CDH18: variants seen among roughly 807,000 people sequenced by gnomAD.
The protein encoded by CDH18 is cadherin-18.
CDH18 carries 31 observed loss-of-function variants against 67.9 expected under a neutral mutation model. That is an observed-to-expected ratio of 0.46 (90% CI 0.34 to 0.62). The LOEUF (loss-of-function observed/expected upper bound fraction) is 0.62. Among genes scored for constraint, CDH18 ranks in the 20% least tolerant of loss-of-function variants. CDH18 has a pLI of 0.01. For missense variants in CDH18, 890 were observed against 975.5 expected (o/e 0.91, Z 1.17); for synonymous variants, 362 against 347.2 (o/e 1.04, Z -0.48).
intron 2 of CDH18, among the ~76,000 whole-genome samples, chr5:19,942,238 G>T (rs1449886935): frequency 6.6e-6 from 1 of 152,058 alleles, no homozygotes; most frequent in Non-Finnish European, 1.5e-5. Context: ...ATTTCAGTGT[G>T]GTCATATTCC....
intron 6 of CDH18, among the ~76,000 whole-genome samples, chr5:19,602,460 A>AACACAC (rs143426499): frequency 4.6e-4 from 69 of 150,792 alleles, no homozygotes; most frequent in South Asian, 3.8e-3. Flanking sequence ...AACACTGCAA[A>AACACAC]ACACACACAC....
rs2150025294 is a variant in CDH18, at chr5:19,838,886, A to G, written c.101T>C (p.Met34Thr). The G allele has an allele frequency of 6.2e-7, 1 of 1,614,064 alleles. No individual in the cohort carries two copies. Residue 34 changes from methionine (M) to threonine (T), a missense_variant, in exon 3 of 13, where the codon ATG (methionine) becomes ACG (threonine). Transcript: ENST00000382275. The stretch of plus-strand genomic sequence containing the variant: ...TTCAATGTGTTTGGTTTGGTTTCTC[A>G]TCACCTTGATGGAGCTGTGGTGAGC... ...GTAHHSSIKVMRNQTKHIEGE... is the reference protein window; with the variant it reads ...GTAHHSSIKVTRNQTKHIEGE...
At chr5:20,093,240 C>T (rs765359046) in intron 2 of CDH18, among the ~76,000 whole-genome samples, 4 of 152,004 alleles carry the variant, frequency 2.6e-5, no homozygotes, top group Non-Finnish European at 5.9e-5. Context: ...AACACATACA[C>T]ACACACACAC....
intron 2 of CDH18, among the ~76,000 whole-genome samples, chr5:20,245,747 T>C (rs1429877352): frequency 6.6e-6 from 1 of 152,090 alleles, no homozygotes; most frequent in East Asian, 1.9e-4. Flanking sequence ...AATAAAAACC[T>C]GTAGAGCACT....
chr5:20,557,553 C>T (rs2126637521), intron 1 of CDH18, among the ~76,000 whole-genome samples: 1 of 152,104 alleles, frequency 6.6e-6, no homozygotes, highest in East Asian at 1.9e-4. Flanking sequence ...TAGGGAATGG[C>T]TACATCCCTT....
At chr5:20,163,434 C>T (rs1736048479) in intron 2 of CDH18, among the ~76,000 whole-genome samples, 1 of 152,082 alleles carries the variant, frequency 6.6e-6, no homozygotes, top group Non-Finnish European at 1.5e-5. Flanking sequence ...AAATCTGCTT[C>T]CCTCTCTTGT....
In CDH18 at chr5:19,994,734, TATATAGAGAGAGAGAGAGAGAG is replaced by T. The variant is rs1194397070; in HGVS notation, c.-517-2742_-517-2721del. ...ATATATATATATATATATATATATA[TATATAGAGAGAGAGAGAGAGAG>T]AGAGAGAGAGAGAGAGAGAGAGAGA... On this transcript the variant is annotated intron_variant, in intron 2 of 14. Coordinates refer to the CDH18 transcript ENST00000507958. 2.8e-3 allele frequency among the ~76,000 whole-genome samples: 28 copies of T among 9,932 alleles called. 1 individual carries two copies. The highest frequency in any genetic ancestry group is 7.4e-3 in the African/African-American group (17 of 2,308). 6.5% of individuals were successfully genotyped at this position (9,932 alleles called of 152,430 possible).
At chr5:19,921,185 C>A (rs756686143) in intron 2 of CDH18, among the ~76,000 whole-genome samples, 5 of 151,998 alleles carry the variant, frequency 3.3e-5, no homozygotes, top group Non-Finnish European at 7.4e-5. Context: ...CTGGATGTGA[C>A]AAATTAAAGA....
chr5:19,539,909 C>T (rs1749982238), intron 9 of CDH18, among the ~76,000 whole-genome samples: 1 of 152,050 alleles, frequency 6.6e-6, no homozygotes, highest in African/African-American at 2.4e-5. Context: ...CACTCCTGGC[C>T]CCTCCCACAA....
intron 5 of CDH18, among the ~76,000 whole-genome samples, chr5:19,648,545 T>C (rs1755118732): frequency 6.6e-6 from 1 of 152,212 alleles, no homozygotes; most frequent in Non-Finnish European, 1.5e-5. Context: ...AATTCAACTT[T>C]TGAAACAAAT....
intron 1 of CDH18, among the ~76,000 whole-genome samples, chr5:20,509,007 A>G (rs1754846868): frequency 6.6e-6 from 1 of 152,146 alleles, no homozygotes; most frequent in Non-Finnish European, 1.5e-5. Context: ...GTAAGACATA[A>G]CATTTTGATA....
intron 1 of CDH18, among the ~76,000 whole-genome samples, chr5:20,303,157 T>C (rs961596074): frequency 1.3e-5 from 2 of 152,204 alleles, no homozygotes; most frequent in South Asian, 2.1e-4. Flanking sequence ...CAATTGGTCA[T>C]AGTTTTCATA....
chr5:20,169,269 G>T (rs894458468), intron 2 of CDH18, among the ~76,000 whole-genome samples: 1 of 151,740 alleles, frequency 6.6e-6, no homozygotes, highest in African/African-American at 2.4e-5. Flanking sequence ...CACCTATTAT[G>T]TACCCACCAA....
intron 2 of CDH18, among the ~76,000 whole-genome samples, chr5:20,027,400 ATGGTTATTAAAAAGAATTGGTGACAAT>A (rs1356172224): frequency 3.9e-5 from 6 of 152,218 alleles, no homozygotes; most frequent in Non-Finnish European, 7.3e-5. Flanking sequence ...TTTAAAATAC[ATGGTTATTAAAAAGAATTGGTGACAAT>A]TGGTTATTAA....
At chr5:19,896,419 T>A (rs916813290) in intron 2 of CDH18, among the ~76,000 whole-genome samples, 1 of 152,002 alleles carries the variant, frequency 6.6e-6, no homozygotes, top group Non-Finnish European at 1.5e-5. Flanking sequence ...CTAAATACCA[T>A]CATAAACCTC....
At chr5:20,216,617 G>T (rs1416170418) in intron 2 of CDH18, among the ~76,000 whole-genome samples, 1 of 151,830 alleles carries the variant, frequency 6.6e-6, no homozygotes, top group Non-Finnish European at 1.5e-5. Flanking sequence ...TCCTTAACAT[G>T]ATTTTTCATA....
chr5:20,507,349 G>C (rs921122974), intron 1 of CDH18, among the ~76,000 whole-genome samples: 3 of 152,138 alleles, frequency 2.0e-5, no homozygotes, highest in African/African-American at 7.2e-5. Context: ...CAATTGTCAC[G>C]CAGGAGCTCA....
intron 2 of CDH18, among the ~76,000 whole-genome samples, chr5:20,010,200 C>A (rs1056010816): frequency 5.6e-5 from 8 of 143,282 alleles, no homozygotes; most frequent in Non-Finnish European, 1.2e-4. Context: ...GTAACCTCTA[C>A]CATCTTCCAT....
intron 1 of CDH18, among the ~76,000 whole-genome samples, chr5:20,448,579 G>A (rs1445114559): frequency 6.6e-6 from 1 of 152,068 alleles, no homozygotes; most frequent in African/African-American, 2.4e-5. Flanking sequence ...TGATATTGCT[G>A]TTGGGATCCT....
Sources: gnomAD v4.1 joint callset for allele counts (sites outside exome capture counted in the v4.1 genomes callset) on GRCh38, gnomAD v4.1.1 for gene constraint, MANE v1.5 for transcripts, NCBI Gene and HGNC (gene_info 2026-07-23, HGNC 2026-07-21) for gene names.